Variants in ABCA13 observed in about 807,000 individuals in gnomAD.
ABCA13 encodes ATP binding cassette subfamily A member 13.
Under a neutral mutation model 478.7 loss-of-function variants are expected in ABCA13, and 476 were observed. The ratio of observed to expected loss-of-function variants is 0.99; its 90% CI spans 0.92 to 1.07. The LOEUF (loss-of-function observed/expected upper bound fraction) is 1.07, where lower values mean the gene tolerates loss of function less well. Ranked by LOEUF, ABCA13 falls within the 50% of genes least tolerant of loss-of-function variation. The pLI is 0.00. For synonymous variants in ABCA13, 2,252 were observed against 2,158.9 expected (o/e 1.04, Z -1.20); for missense variants, 6,060 against 5,910.6 (o/e 1.03, Z -0.83).
intron 32 of ABCA13, among the ~76,000 whole-genome samples, chr7:48,371,265 CT>C (rs903620826): frequency 3.3e-5 from 5 of 151,780 alleles, no homozygotes; most frequent in African/African-American, 4.8e-5. Flanking sequence ...TATACAGGCT[CT>C]TTTTTTTGGT....
intron 35 of ABCA13, among the ~76,000 whole-genome samples, chr7:48,378,837 A>G (rs1813897184): frequency 6.6e-6 from 1 of 152,240 alleles, no homozygotes; most frequent in African/African-American, 2.4e-5. Context: ...CATACAAAGT[A>G]TTCTGTGACC....
At chr7:48,370,846 AC>A (rs1333667458) in intron 32 of ABCA13, among the ~76,000 whole-genome samples, 1 of 152,202 alleles carries the variant, frequency 6.6e-6, no homozygotes, top group African/African-American at 2.4e-5. Flanking sequence ...AACAATAGAA[AC>A]CCAAACCTAG....
intron 42 of ABCA13, among the ~76,000 whole-genome samples, chr7:48,430,241 A>G (rs1480036160): frequency 6.6e-6 from 1 of 152,158 alleles, no homozygotes; most frequent in Admixed American, 6.5e-5. Flanking sequence ...TAGATTATCT[A>G]TATTTTTCTC....
In ABCA13 at chr7:48,427,890, C is replaced by T. The variant is rs115450356; in HGVS notation, c.12565+19C>T. ...GGCTACTGTAAGTACAGAATGGCTT[C>T]CTGCATTTCTGCTGGAGGAACAATG... On this transcript the variant is annotated intron_variant, in intron 42 of 61. Coordinates refer to ENST00000435803, the MANE Select transcript of ABCA13 (RefSeq NM_152701.5). The T allele has an allele frequency of 2.4e-3, 3,624 of 1,492,714 alleles. 75 individuals carry two copies. In the African/African-American group the frequency reaches 0.046, roughly 19 times the overall value. The allele number at this position is 1,492,714 out of a possible 1,614,324, so 92.5% of individuals were successfully genotyped here. A position where few individuals can be genotyped will look rare whatever the true frequency, so the allele number is the denominator to read the frequency against.
chr7:48,506,730 G>T (rs182029942), intron 49 of ABCA13, among the ~76,000 whole-genome samples: 1 of 152,140 alleles, frequency 6.6e-6, no homozygotes, highest in African/African-American at 2.4e-5. Flanking sequence ...TTGCATTCAT[G>T]TACATAAACA....
In ABCA13 at chr7:48,389,137, G is replaced by T. The variant is rs750202783; in HGVS notation, c.11571G>T (p.Val3857=). 1 of 1,613,944 alleles carries T rather than the reference G, an allele frequency of 6.2e-7. No homozygotes were observed. The highest frequency in any genetic ancestry group is 8.5e-7 in the Non-Finnish European group (1 of 1,179,864). Reference sequence around the variant, plus strand: ...AGGAATATGAGGGCCACAAGGCTGTGGTCCAAGACCTCAGCCTGACCTTCT... The same window carrying T: ...AGGAATATGAGGGCCACAAGGCTGTTGTCCAAGACCTCAGCCTGACCTTCT... ...VTKEYEGHKA[V]VQDLSLTFYR... is the part of the protein sequence containing the mutation. Residue 3857 remains valine (V), a synonymous_variant, in exon 37 of 62, where the codon GTG becomes GTT. Transcript: ENST00000435803.
chr7:48,484,278 G>A (rs539949108), intron 47 of ABCA13, among the ~76,000 whole-genome samples: 1 of 152,296 alleles, frequency 6.6e-6, no homozygotes, highest in African/African-American at 2.4e-5. Context: ...TCCAGTCATA[G>A]TGTGGACGAT....
At chr7:48,381,638 CT>C (rs1814407776) in intron 35 of ABCA13, among the ~76,000 whole-genome samples, 1 of 152,122 alleles carries the variant, frequency 6.6e-6, no homozygotes. Context: ...TGCATAAACT[CT>C]TTTTATATGC....
intron 29 of ABCA13, among the ~76,000 whole-genome samples, chr7:48,344,635 G>A (rs538656493): frequency 4.2e-4 from 64 of 152,046 alleles, no homozygotes; most frequent in Non-Finnish European, 8.2e-4. Flanking sequence ...GGTTTCACAT[G>A]GGCCCTATGT....
chr7:48,341,650 A>G (rs1317959524), intron 29 of ABCA13, among the ~76,000 whole-genome samples: 1 of 151,476 alleles, frequency 6.6e-6, no homozygotes, highest in Non-Finnish European at 1.5e-5. Flanking sequence ...AGTCTTAAAA[A>G]AACCCACCGT....
intron 41 of ABCA13, among the ~76,000 whole-genome samples, chr7:48,414,429 A>G (rs6951346): frequency 0.19 from 29,549 of 151,950 alleles, 3,250 homozygotes; most frequent in East Asian, 0.23. Context: ...ACTGGCACTC[A>G]TGGTTGCTTA....
At position 48,483,183 on chromosome 7, in the gene ABCA13, T is replaced by G. The variant is rs757556784; in HGVS notation, c.13182+20T>G. The G allele has an allele frequency of 1.3e-6, 2 of 1,584,852 alleles. No individual in the cohort carries two copies. The highest frequency in any genetic ancestry group is 1.1e-5 in the South Asian group (1 of 87,172). ...GCAAAGGTAATCATATTTTTTTATTTTTTTCCTGTTTTAGAAAGTATTTAG... is the reference window on the plus strand; with the variant it reads ...GCAAAGGTAATCATATTTTTTTATTGTTTTCCTGTTTTAGAAAGTATTTAG... On this transcript the variant is annotated intron_variant, in intron 47 of 61. Transcript: ENST00000435803.
intron 53 of ABCA13, 35 bp downstream of exon 53, chr7:48,520,329 T>TA (rs1832456670): frequency 2.6e-6 from 4 of 1,552,716 alleles, no homozygotes; most frequent in South Asian, 1.2e-5. Context: ...GAGCTGCACT[T>TA]ACTCCTGCAA....
chr7:48,440,589 AT>A (rs1823448484), intron 42 of ABCA13, among the ~76,000 whole-genome samples: 1 of 152,104 alleles, frequency 6.6e-6, no homozygotes, highest in Non-Finnish European at 1.5e-5. Context: ...GTTTTAAAAA[AT>A]ATTAGTTAAC....
At chr7:48,198,120 A>T in intron 2 of ABCA13, 117 bp from the exon 3 acceptor site, 1 of 1,095,004 alleles carries the variant, frequency 9.1e-7, no homozygotes, top group Non-Finnish European at 1.2e-6. Flanking sequence ...CCTTTAAATT[A>T]ATAGCAAGGT....
intron 28 of ABCA13, among the ~76,000 whole-genome samples, chr7:48,337,923 G>A (rs1350338869): frequency 6.6e-6 from 1 of 152,182 alleles, no homozygotes; most frequent in Non-Finnish European, 1.5e-5. Flanking sequence ...TGCTTCCGAA[G>A]ATGAATAGCC....
intron 15 of ABCA13, among the ~76,000 whole-genome samples, chr7:48,260,243 A>G (rs1793988868): frequency 6.6e-6 from 1 of 151,964 alleles, no homozygotes. Context: ...GTGTCAGCTG[A>G]TGTTTCTTTA....
At position 48,275,735 on chromosome 7, in the gene ABCA13, C is replaced by A; in HGVS notation, c.6069C>A (p.Leu2023=). ...WSLEKSTHNL[L]SLFMMLQNAN... ...TAGAAAAAAGTACGCATAATCTACT[C>A]TCTTTATTCATGATGCTCCAGAATG... Residue 2023 remains leucine, a synonymous_variant, in exon 17 of 62, where the codon CTC becomes CTA. Coordinates refer to ENST00000435803, the MANE Select transcript of ABCA13 (RefSeq NM_152701.5). 1.2e-6 allele frequency: 2 copies of A among 1,606,688 alleles called. No individual in the cohort carries two copies. Among genetic ancestry groups the A allele is most frequent in the African/African-American group, 1.3e-5 (1 of 74,968 alleles).
At chr7:48,281,748 C>T (rs1797078925) in intron 19 of ABCA13, among the ~76,000 whole-genome samples, 1 of 152,202 alleles carries the variant, frequency 6.6e-6, no homozygotes, top group African/African-American at 2.4e-5. Context: ...CAGCCGTACT[C>T]TGTGGCCTAG....
Sources: allele counts gnomAD v4.1 joint callset (sites outside exome capture counted in the v4.1 genomes callset), GRCh38; gene constraint gnomAD v4.1.1; transcripts MANE v1.5; gene names NCBI Gene and HGNC (gene_info 2026-07-23, HGNC 2026-07-21).